BTBD1: variants seen among roughly 807,000 people sequenced by gnomAD.
BTBD1 encodes the protein BTB/POZ domain-containing protein 1.
BTBD1 carries 34 observed loss-of-function variants against 48.0 expected under a neutral mutation model. The ratio of observed to expected loss-of-function variants is 0.71; its 90% confidence interval spans 0.54 to 0.94. The LOEUF (loss-of-function observed/expected upper bound fraction) is 0.94. Among genes scored for constraint, BTBD1 ranks in the 40% least tolerant of loss-of-function variants. The pLI is 0.00. For synonymous variants in BTBD1, 261 were observed against 242.1 expected (o/e 1.08, Z -0.72); for missense variants, 543 against 625.6 (o/e 0.87, Z 1.41).
intron 2 of BTBD1, among the ~76,000 whole-genome samples, chr15:83,051,205 A>G (rs1305612662): frequency 6.6e-6 from 1 of 152,180 alleles, no homozygotes; most frequent in Non-Finnish European, 1.5e-5. Context: ...CAAACACTAA[A>G]TGCCCAAAGG....
intron 5 of BTBD1, among the ~76,000 whole-genome samples, chr15:83,022,937 G>A (rs2032330157): frequency 1.3e-5 from 2 of 152,036 alleles, no homozygotes; most frequent in African/African-American, 4.8e-5. Flanking sequence ...TCCAGCCTGG[G>A]CAACAGAGCG....
intron 3 of BTBD1, 132 bp downstream of exon 3, chr15:83,049,941 G>A (rs1281846845): frequency 7.8e-6 from 4 of 515,610 alleles, no homozygotes; most frequent in South Asian, 4.0e-5. Context: ...ACAAAAAAAA[G>A]CAAAACTCTT....
intron 1 of BTBD1, among the ~76,000 whole-genome samples, chr15:83,065,380 A>G (rs568538611): frequency 2.0e-5 from 3 of 152,348 alleles, no homozygotes; most frequent in African/African-American, 7.2e-5. Context: ...CAGGTAAAAC[A>G]TTCGTTAATT....
In BTBD1 at chr15:83,018,803, A is replaced by G; in HGVS notation, c.1194T>C (p.Phe398=). The G allele has an allele frequency of 6.2e-7, 1 of 1,614,080 alleles. No individual in the cohort carries two copies. Among genetic ancestry groups the G allele is most frequent in the African/African-American group, 1.3e-5 (1 of 75,050 alleles). The change falls in exon 7 of 8, where the codon TTT becomes TTC. Residue 398 remains phenylalanine, a synonymous_variant. Transcript: ENST00000261721. ...KQTLGQNDTG[F]SCDGTANTFR... ...ATGTGTTAGCTGTCCCATCACAACT[A>G]AAGCCGGTATCATTCTGTCCCAGGG... is the stretch of plus-strand genomic sequence containing the variant.
At chr15:83,034,562 C>G (rs749872310) in intron 4 of BTBD1, among the ~76,000 whole-genome samples, 1 of 151,772 alleles carries the variant, frequency 6.6e-6, no homozygotes, top group Non-Finnish European at 1.5e-5. Context: ...TGCAGTGAGC[C>G]AAGATTGTGC....
In BTBD1 at chr15:83,018,000, TG is replaced by T; in HGVS notation, c.*66del. ...TCATAACACTCAAACTACTTTTTTG[TG>T]GCCATTTATGTTTTTGACACTAGAT... On this transcript the variant is annotated 3_prime_UTR_variant, in exon 8 of 8. Coordinates refer to ENST00000261721, the MANE Select transcript of BTBD1 (RefSeq NM_025238.4). 9.2e-7 allele frequency: 1 copy of T among 1,084,918 alleles called. No individual in the cohort carries two copies. The highest frequency in any genetic ancestry group is 1.3e-6 in the Non-Finnish European group (1 of 782,730). The allele number at this position is 1,084,918 out of a possible 1,614,324, so 67.2% of individuals were successfully genotyped here. A position where few individuals can be genotyped will look rare whatever the true frequency, so the allele number is the denominator to read the frequency against.
Position 83,018,230 on chromosome 15 carries a change from A to G in BTBD1, c.1291-5T>C. On this transcript the variant is annotated splice_region_variant and splice_polypyrimidine_tract_variant and intron_variant, in intron 7 of 7. Transcript: ENST00000261721. ...GCCATAGTGGGAATCTGGACCCTAA[A>G]TGAGAACAAAAGGTTCCTTAGTAAT... The G allele has an allele frequency of 6.4e-7, 1 of 1,564,368 alleles. No homozygotes were observed. Among genetic ancestry groups the G allele is most frequent in the Non-Finnish European group, 8.6e-7 (1 of 1,156,732 alleles).
intron 2 of BTBD1, among the ~76,000 whole-genome samples, chr15:83,051,630 A>T (rs956617711): frequency 2.0e-5 from 3 of 151,630 alleles, no homozygotes; most frequent in African/African-American, 4.8e-5. Context: ...AGCACTAAAT[A>T]AAAAATTTGT....
rs780011156 is a variant in BTBD1 at position 83,030,326 on chromosome 15, G to T, written c.865C>A (p.Pro289Thr). Reference protein sequence around the residue: ...LMTIEEFAAGPAQSGILSDRE... With the variant: ...LMTIEEFAAGTAQSGILSDRE... ...TCTGACAAAATTCCAGATTGAGCAGGACCTGTGGAAATAAAAACATAAGCC... is the reference window on the plus strand; with the variant it reads ...TCTGACAAAATTCCAGATTGAGCAGTACCTGTGGAAATAAAAACATAAGCC... The change falls in exon 5 of 8, where the codon CCT becomes ACT. Residue 289 changes from proline (P) to threonine (T), a missense_variant and splice_region_variant. Coordinates refer to ENST00000261721, the MANE Select transcript of BTBD1 (RefSeq NM_025238.4). 6.2e-7 allele frequency: 1 copy of T among 1,604,474 alleles called. No individual in the cohort carries two copies. The highest frequency in any genetic ancestry group is 2.2e-5 in the East Asian group (1 of 44,730).
chr15:83,056,408 G>C lies in BTBD1; in HGVS notation c.539C>G (p.Ala180Gly). 1.9e-6 allele frequency: 3 copies of C among 1,613,112 alleles called. No individual in the cohort carries two copies. Among genetic ancestry groups the C allele is most frequent in the Non-Finnish European group, 2.5e-6 (3 of 1,179,228 alleles). Residue 180 changes from alanine to glycine, a missense_variant, in exon 2 of 8, where the codon GCC (alanine) becomes GGC (glycine). Physicochemically the swap from Ala to Gly is moderately conservative, Grantham distance 60. Coordinates refer to ENST00000261721, the MANE Select transcript of BTBD1 (RefSeq NM_025238.4). ...FLTKHLRADN[A>G]FMLLTQARLF... The stretch of plus-strand genomic sequence containing the variant: ...ACTTACCTGAGTAAGTAACATAAAG[G>C]CATTATCTGCCCTAAGATGTTTGGT...
At chr15:83,051,757 T>C (rs942231719) in intron 2 of BTBD1, among the ~76,000 whole-genome samples, 5 of 152,000 alleles carry the variant, frequency 3.3e-5, no homozygotes, top group Non-Finnish European at 7.4e-5. Context: ...TACTTTGGAA[T>C]TTCAAATTTA....
intron 3 of BTBD1, among the ~76,000 whole-genome samples, chr15:83,044,009 A>G (rs1463710710): frequency 6.6e-6 from 1 of 152,200 alleles, no homozygotes; most frequent in Non-Finnish European, 1.5e-5. Context: ...AGAGGCTAAT[A>G]TACTAGAATG....
Position 83,025,336 on chromosome 15 carries a change from C to G in BTBD1, c.1056-4574G>C, listed in dbSNP as rs377540639. On this transcript the variant is annotated intron_variant, in intron 5 of 7. Transcript: ENST00000261721. ...TCTCACCATTGCACTCCAGCCTGGG[C>G]AACAAAACAAGACTCCATCACAAAA... Among the ~76,000 whole-genome samples the G allele has an allele frequency of 7.8e-5, 6 of 77,202 alleles. No homozygotes were observed. The East Asian group carries it at 2.2e-3, about 28-fold the overall frequency. The allele number at this position is 77,202 out of a possible 152,430, so 50.6% of individuals were successfully genotyped here.
In BTBD1 at chr15:83,057,385, G is replaced by A. The variant is rs528277904; in HGVS notation, c.402-840C>T. ...AATAAGAGCACCTACTTCATAATGT[G>A]GTTGTGAGGATTAACATAAATTAAA... On this transcript the variant is annotated intron_variant, in intron 1 of 7. Transcript: ENST00000261721. 5.8e-4 allele frequency among the ~76,000 whole-genome samples: 89 copies of A among 152,250 alleles called. No individual in the cohort carries two copies. The South Asian group carries it at 0.015, about 26-fold the overall frequency.
At chr15:83,019,855 A>G (rs2032254628) in intron 6 of BTBD1, among the ~76,000 whole-genome samples, 1 of 150,792 alleles carries the variant, frequency 6.6e-6, no homozygotes, top group Non-Finnish European at 1.5e-5. Flanking sequence ...TTGGCCTCCC[A>G]AAGTGCTAGG....
intron 2 of BTBD1, among the ~76,000 whole-genome samples, chr15:83,054,664 C>T (rs920117968): frequency 4.7e-5 from 7 of 150,498 alleles, no homozygotes; most frequent in African/African-American, 1.2e-4. Flanking sequence ...CGGGTTCAAG[C>T]GATTCTCCTG....
chr15:83,049,932 C>CA (rs910643470), intron 3 of BTBD1, 141 bp downstream of exon 3: 36 of 503,770 alleles, frequency 7.1e-5, no homozygotes, highest in South Asian at 1.6e-4. Context: ...TTCACCAAAA[C>CA]AAAAAAAAGC....
At position 83,067,198 on chromosome 15, in the gene BTBD1, A is replaced by G. The variant is rs1302098547; in HGVS notation, c.-47T>C. ...ACGTTATGGACAAAACTCCGCCGCCATCGCCCAGGCCGCCTCCGGAGGCCG... is the reference window on the plus strand; with the variant it reads ...ACGTTATGGACAAAACTCCGCCGCCGTCGCCCAGGCCGCCTCCGGAGGCCG... On this transcript the variant is annotated 5_prime_UTR_variant, in exon 1 of 8. It removes an upstream start codon present in the reference 5' UTR. Transcript: ENST00000261721. The G allele has an allele frequency of 7.4e-7, 1 of 1,354,114 alleles. No individual in the cohort carries two copies. The highest frequency in any genetic ancestry group is 9.5e-7 in the Non-Finnish European group (1 of 1,054,934). The allele number at this position is 1,354,114 out of a possible 1,614,324, so 83.9% of individuals were successfully genotyped here. A position where few individuals can be genotyped will look rare whatever the true frequency, so the allele number is the denominator to read the frequency against.
chr15:83,038,422 A>G (rs777077258), intron 4 of BTBD1, among the ~76,000 whole-genome samples: 1 of 152,232 alleles, frequency 6.6e-6, no homozygotes, highest in Non-Finnish European at 1.5e-5. Flanking sequence ...ATGGAAAAAC[A>G]TTATATGCTC....
Sources: gnomAD v4.1 joint callset for allele counts (sites outside exome capture counted in the v4.1 genomes callset) on GRCh38, gnomAD v4.1.1 for gene constraint, MANE v1.5 for transcripts, NCBI Gene and HGNC (gene_info 2026-07-23, HGNC 2026-07-21) for gene names.